Variants in WDR19 observed in about 807,000 individuals in gnomAD.
WDR19 encodes WD repeat-containing protein 19.
Under a neutral mutation model 180.0 loss-of-function variants are expected in WDR19, and 121 were observed. The observed-to-expected ratio is 0.67, with a 90% CI of 0.58 to 0.78. The LOEUF (loss-of-function observed/expected upper bound fraction) is 0.78. WDR19 is among the 30% of genes least tolerant of loss of function. The pLI is 0.00. For synonymous variants in WDR19, 497 were observed against 540.7 expected (o/e 0.92, Z 1.12); for missense variants, 1,450 against 1,640.7 (o/e 0.88, Z 2.01).
At chr4:39,254,607 GTGTTT>G (rs1324832452) in intron 26 of WDR19, among the ~76,000 whole-genome samples, 3 of 152,002 alleles carry the variant, frequency 2.0e-5, no homozygotes, top group East Asian at 1.9e-4. Flanking sequence ...AATGTTATTT[GTGTTT>G]TGTTTTGTTT....
chr4:39,198,035 G>A (rs1389250761), intron 5 of WDR19, among the ~76,000 whole-genome samples: 2 of 151,772 alleles, frequency 1.3e-5, no homozygotes, highest in African/African-American at 4.8e-5. Context: ...TAGAGATGAA[G>A]TCTCACTATG....
chr4:39,276,394 C>G lies in WDR19; in HGVS notation c.3717-626C>G, dbSNP rs1223259645. Among the ~76,000 whole-genome samples, 3 of 152,248 alleles carry G rather than the reference C, an allele frequency of 2.0e-5. No individual in the cohort carries two copies. The East Asian group carries it at 5.8e-4, about 29-fold the overall frequency. Reference sequence around the variant, plus strand: ...CCCCAACAGCATAGAACCACGCTAGCTGGGGCTCTGGCTGGGAGGAGATGC... The same window carrying G: ...CCCCAACAGCATAGAACCACGCTAGGTGGGGCTCTGGCTGGGAGGAGATGC... On this transcript the variant is annotated intron_variant, in intron 33 of 36. Coordinates refer to ENST00000399820, the MANE Select transcript of WDR19 (RefSeq NM_025132.4).
intron 24 of WDR19, among the ~76,000 whole-genome samples, chr4:39,248,094 G>A (rs1215394844): frequency 6.6e-6 from 1 of 152,216 alleles, no homozygotes; most frequent in Non-Finnish European, 1.5e-5. Context: ...GTTAAGTGCA[G>A]CCAGAGAGAA....
intron 14 of WDR19, among the ~76,000 whole-genome samples, chr4:39,224,524 GCGCC>G: frequency 6.6e-6 from 1 of 152,126 alleles, no homozygotes. Flanking sequence ...GGGATTACAG[GCGCC>G]CGCCACCATG....
At position 39,253,930 on chromosome 4, in the gene WDR19, T is replaced by C; in HGVS notation, c.2901T>C (p.Tyr967=). ...VARFFLQLGD[Y]GSAIQFLVMS... ...GGTTTTTTCTACAGCTTGGTGACTA[T>C]GGGTCTGCCATCCAGTTTCTTGTCA... The change falls in exon 26 of 37, where the codon TAT becomes TAC. Residue 967 remains tyrosine, a synonymous_variant. Coordinates refer to ENST00000399820, the MANE Select transcript of WDR19 (RefSeq NM_025132.4). The C allele has an allele frequency of 2.5e-6, 4 of 1,608,938 alleles. No homozygotes were observed. Among genetic ancestry groups the C allele is most frequent in the South Asian group, 1.1e-5 (1 of 90,446 alleles).
At chr4:39,225,646 A>G (rs1730168944) in intron 15 of WDR19, among the ~76,000 whole-genome samples, 1 of 152,236 alleles carries the variant, frequency 6.6e-6, no homozygotes, top group Non-Finnish European at 1.5e-5. Flanking sequence ...TCAAATTCAC[A>G]TAAGCTACAG....
At chr4:39,239,902 G>A (rs1347542447) in intron 20 of WDR19, among the ~76,000 whole-genome samples, 1 of 152,136 alleles carries the variant, frequency 6.6e-6, no homozygotes, top group African/African-American at 2.4e-5. Context: ...ACTCCCCAGT[G>A]GTGGCTCATG....
At chr4:39,279,680 A>G (rs1000495053) in intron 36 of WDR19, among the ~76,000 whole-genome samples, 3 of 145,470 alleles carry the variant, frequency 2.1e-5, no homozygotes, top group African/African-American at 7.9e-5. Context: ...CATCCCTGCC[A>G]ACAGCTGCTG....
intron 31 of WDR19, among the ~76,000 whole-genome samples, chr4:39,271,115 T>C (rs926448576): frequency 3.3e-5 from 5 of 152,140 alleles, no homozygotes; most frequent in Admixed American, 2.0e-4. Flanking sequence ...CAGGCTGGTC[T>C]CGAACTCCTG....
At chr4:39,200,124 A>C (rs190292886) in intron 6 of WDR19, among the ~76,000 whole-genome samples, 1 of 152,326 alleles carries the variant, frequency 6.6e-6, no homozygotes, top group East Asian at 1.9e-4. Flanking sequence ...TAATGTGGCC[A>C]ATGGGAAAAT....
At chr4:39,214,959 G>GAC (rs1728913764) in intron 10 of WDR19, among the ~76,000 whole-genome samples, 3 of 152,084 alleles carry the variant, frequency 2.0e-5, no homozygotes, top group Non-Finnish European at 2.9e-5. Flanking sequence ...TTTTAGTAGA[G>GAC]ATGGGGTTTC....
At position 39,194,461 on chromosome 4, in the gene WDR19, A is replaced by C. The variant is rs1577842546; in HGVS notation, c.291-83A>C. The C allele has an allele frequency of 1.5e-5, 12 of 826,094 alleles. No individual in the cohort carries two copies. In the East Asian group the frequency reaches 3.3e-4, roughly 23 times the overall value. The allele number at this position is 826,094 out of a possible 1,614,324, so 51.2% of individuals were successfully genotyped here. Reference sequence around the variant, plus strand: ...CTTTGGCTTCTAAGTAGATGTTAAAATTATCCAAGGAGTACTTTTTTAAAG... The same window carrying C: ...CTTTGGCTTCTAAGTAGATGTTAAACTTATCCAAGGAGTACTTTTTTAAAG... On this transcript the variant is annotated intron_variant, in intron 4 of 36. Transcript: ENST00000399820.
intron 33 of WDR19, chr4:39,275,465 G>A (rs533862472): frequency 5.5e-6 from 1 of 182,200 alleles, no homozygotes; most frequent in Non-Finnish European, 1.2e-5. Context: ...TCACAGTCCA[G>A]AGCTGGTGTC....
At chr4:39,248,883 A>G (rs984344313) in intron 24 of WDR19, among the ~76,000 whole-genome samples, 8 of 152,230 alleles carry the variant, frequency 5.3e-5, no homozygotes, top group Non-Finnish European at 8.8e-5. Context: ...AAAGAGACTT[A>G]GACTCCCACA....
chr4:39,183,268 T>TTTTTTTTTTTTC, intron 1 of WDR19, among the ~76,000 whole-genome samples: 2 of 146,222 alleles, frequency 1.4e-5, no homozygotes, highest in Non-Finnish European at 3.0e-5. Flanking sequence ...TTTTTTTTTT[T>TTTTTTTTTTTTC]TTACTGAGTC....
intron 2 of WDR19, 108 bp from the exon 3 acceptor site, chr4:39,186,431 A>T: frequency 1.3e-6 from 1 of 762,004 alleles, no homozygotes. Flanking sequence ...GTGAGCCAAG[A>T]TCACACCACT....
intron 36 of WDR19, among the ~76,000 whole-genome samples, chr4:39,283,634 T>C (rs1736814849): frequency 6.6e-6 from 1 of 152,148 alleles, no homozygotes; most frequent in Non-Finnish European, 1.5e-5. Flanking sequence ...TATGTACACA[T>C]TATAAATCCT....
intron 7 of WDR19, among the ~76,000 whole-genome samples, chr4:39,204,856 T>C (rs1727780922): frequency 6.6e-6 from 1 of 152,188 alleles, no homozygotes; most frequent in South Asian, 2.1e-4. Flanking sequence ...CTGTCAGACT[T>C]ACAATCCTGT....
At chr4:39,255,794 T>C in intron 26 of WDR19, 54 bp from the exon 27 acceptor site, 1 of 1,004,386 alleles carries the variant, frequency 1.0e-6, no homozygotes, top group Non-Finnish European at 1.4e-6. Flanking sequence ...AGGTTAGCAA[T>C]AAAAGGTAAA....
Sources: gnomAD v4.1 joint callset for allele counts (sites outside exome capture counted in the v4.1 genomes callset) on GRCh38, gnomAD v4.1.1 for gene constraint, MANE v1.5 for transcripts, NCBI Gene and HGNC (gene_info 2026-07-23, HGNC 2026-07-21) for gene names.